XKR6: variants seen among roughly 807,000 people sequenced by gnomAD.
XKR6 encodes the protein XK-related protein 6.
Under a neutral mutation model 56.7 loss-of-function variants are expected in XKR6, and 22 were observed. That is an observed-to-expected ratio of 0.39 (90% CI 0.28 to 0.55). XKR6 has a LOEUF of 0.55. Ranked by LOEUF, XKR6 falls within the 20% of genes least tolerant of loss-of-function variation. The pLI, the probability that XKR6 is intolerant of heterozygous loss-of-function variation, is 0.66. For synonymous variants in XKR6, 524 were observed against 387.8 expected (o/e 1.35, Z -4.13); for missense variants, 852 against 889.0 (o/e 0.96, Z 0.53).
At chr8:11,194,902 C>G (rs1803787656) in intron 1 of XKR6, 3 of 530,712 alleles carry the variant, frequency 5.7e-6, no homozygotes, top group Non-Finnish European at 1.0e-5. Context: ...AAATACTATG[C>G]TGCATCCCCA....
chr8:11,028,185 C>T (rs1187070491), intron 1 of XKR6, among the ~76,000 whole-genome samples: 1 of 152,050 alleles, frequency 6.6e-6, no homozygotes, highest in African/African-American at 2.4e-5. Context: ...TTTGCCTTTC[C>T]AGAATGTCAT....
At chr8:11,197,807 G>C (rs1240316161) in intron 1 of XKR6, among the ~76,000 whole-genome samples, 1 of 152,170 alleles carries the variant, frequency 6.6e-6, no homozygotes, top group African/African-American at 2.4e-5. Flanking sequence ...GACAGGAATG[G>C]CAAGATGCAG....
intron 1 of XKR6, among the ~76,000 whole-genome samples, chr8:10,975,351 A>C (rs1802523146): frequency 6.6e-6 from 1 of 152,240 alleles, no homozygotes; most frequent in Non-Finnish European, 1.5e-5. Context: ...GCTGCTGCCC[A>C]CCAATCAAAA....
chr8:10,972,168 C>A (rs1222306303), intron 1 of XKR6, among the ~76,000 whole-genome samples: 1 of 152,096 alleles, frequency 6.6e-6, no homozygotes, highest in Non-Finnish European at 1.5e-5. Flanking sequence ...GCTGGGGCCT[C>A]GGGGTGACCT....
intron 1 of XKR6, among the ~76,000 whole-genome samples, chr8:11,001,081 C>G (rs1798227713): frequency 6.6e-6 from 1 of 152,194 alleles, no homozygotes; most frequent in African/African-American, 2.4e-5. Context: ...AATTGCTGGC[C>G]TCATTGGATG....
intron 1 of XKR6, chr8:11,129,003 T>A (rs143019147): frequency 8.4e-4 from 384 of 456,378 alleles, no homozygotes; most frequent in African/African-American, 6.7e-3. Flanking sequence ...TTCTCTCTTG[T>A]TAACTGAGGT....
Position 10,898,447 on chromosome 8 carries a change from C to G in XKR6, c.1431G>C (p.Leu477=), listed in dbSNP as rs763342884. 6.2e-7 allele frequency: 1 copy of G among 1,614,044 alleles called. No individual in the cohort carries two copies. Among genetic ancestry groups the G allele is most frequent in the African/African-American group, 1.3e-5 (1 of 75,054 alleles). Residue 477 remains leucine (L), a synonymous_variant, in exon 3 of 3, where the codon CTG becomes CTC. Coordinates refer to ENST00000416569, the MANE Select transcript of XKR6 (RefSeq NM_173683.4). This position sits in a 1 kb window ranked among gnomAD's most constrained non-coding sequence, Gnocchi z 6.6. ...ETTDSYAVPA[L]CCVFISFVAG... ...CCACAAAGCTAATAAAGACACAACA[C>G]AGTGCTGGCACCGCATAGGAGTCAG...
intron 1 of XKR6, among the ~76,000 whole-genome samples, chr8:11,114,773 G>A (rs4840546): frequency 0.21 from 30,459 of 146,562 alleles, 6,815 homozygotes; most frequent in African/African-American, 0.56. Context: ...GTGTGTGTGT[G>A]TATGTGCCAG....
At chr8:10,908,865 C>G (rs1200053214) in intron 2 of XKR6, among the ~76,000 whole-genome samples, 4 of 152,104 alleles carry the variant, frequency 2.6e-5, no homozygotes, top group African/African-American at 9.7e-5. Context: ...GGGTTCCTGA[C>G]TTTTAAAAAG....
chr8:11,071,483 TGAGCCCCGAGTCC>T (rs1563117536), intron 1 of XKR6, among the ~76,000 whole-genome samples: 2,457 of 145,162 alleles, frequency 0.017, 142 homozygotes, highest in African/African-American at 0.059. Flanking sequence ...CCCGAGTCCA[TGAGCCCCGAGTCC>T]ATGAGCCCCG....
chr8:11,178,543 TAA>T (rs35646464), intron 1 of XKR6, among the ~76,000 whole-genome samples: 32,131 of 120,512 alleles, frequency 0.27, 5,034 homozygotes, highest in Non-Finnish European at 0.35. Context: ...ATCTGAGAGG[TAA>T]AAATATATAT....
At chr8:11,142,951 G>A (rs978648045) in intron 1 of XKR6, among the ~76,000 whole-genome samples, 25 of 152,170 alleles carry the variant, frequency 1.6e-4, no homozygotes, top group African/African-American at 5.8e-4. Context: ...TTCTAAGGAT[G>A]ACAGGAAATC....
At chr8:11,195,352 ACTG>A in intron 1 of XKR6, 1 of 592,064 alleles carries the variant, frequency 1.7e-6, no homozygotes, top group South Asian at 2.1e-5. Flanking sequence ...TGGATAGTCA[ACTG>A]CTAATATCAT....
chr8:11,194,092 A>G (rs576645105), intron 1 of XKR6, among the ~76,000 whole-genome samples: 95 of 152,346 alleles, frequency 6.2e-4, no homozygotes, highest in Non-Finnish European at 1.0e-3. Context: ...TCTACTCCGA[A>G]TCAGCACCTA....
At chr8:10,989,703 A>G (rs1797944178) in intron 1 of XKR6, among the ~76,000 whole-genome samples, 1 of 152,244 alleles carries the variant, frequency 6.6e-6, no homozygotes, top group Non-Finnish European at 1.5e-5. Context: ...AATACATGCA[A>G]AGCATTTAGT....
chr8:11,161,939 C>A (rs978567164), intron 1 of XKR6, among the ~76,000 whole-genome samples: 1 of 152,118 alleles, frequency 6.6e-6, no homozygotes, highest in Middle Eastern at 3.4e-3. Flanking sequence ...ATACAAGGAA[C>A]TGAGCAAAAT....
rs190599849 is a variant in XKR6 at position 11,014,577 on chromosome 8, C to T, written c.765-89747G>A. ...CCAACAGCTTTTCAGCAGCACCTTC[C>T]CAGGTTTAGTCTCAGCTCAAAGTCT... On this transcript the variant is annotated intron_variant, in intron 1 of 2. Coordinates refer to ENST00000416569, the MANE Select transcript of XKR6 (RefSeq NM_173683.4). Among the ~76,000 whole-genome samples, 44 of 152,266 alleles carry T rather than the reference C, an allele frequency of 2.9e-4. 1 individual carries two copies. In the East Asian group the frequency reaches 8.5e-3, roughly 29 times the overall value.
intron 1 of XKR6, among the ~76,000 whole-genome samples, chr8:11,048,366 G>A (rs1799461858): frequency 6.6e-6 from 1 of 152,138 alleles, no homozygotes; most frequent in East Asian, 1.9e-4. Context: ...GGAAACTACT[G>A]CTTTCTGGAG....
intron 1 of XKR6, among the ~76,000 whole-genome samples, chr8:11,114,487 A>G (rs539836810): frequency 1.3e-5 from 2 of 152,086 alleles, no homozygotes; most frequent in East Asian, 3.9e-4. Flanking sequence ...TCAGCCTCCC[A>G]AGTAGCTGAG....
Sources: allele counts gnomAD v4.1 joint callset (sites outside exome capture counted in the v4.1 genomes callset), GRCh38; gene constraint gnomAD v4.1.1; non-coding constraint Gnocchi (gnomAD v3.1); transcripts MANE v1.5; gene names NCBI Gene and HGNC (gene_info 2026-07-23, HGNC 2026-07-21).